Variants in TMPRSS13 observed in about 807,000 individuals in gnomAD.
TMPRSS13 encodes the protein transmembrane serine protease 13.
TMPRSS13 carries 50 observed loss-of-function variants against 68.4 expected under a neutral mutation model. The observed-to-expected ratio is 0.73, with a 90% CI of 0.58 to 0.93. TMPRSS13 has a LOEUF of 0.93. Ranked by LOEUF, TMPRSS13 falls within the 40% of genes least tolerant of loss-of-function variation. The pLI is 0.00. For synonymous variants in TMPRSS13, 267 were observed against 285.8 expected (o/e 0.93, Z 0.66); for missense variants, 615 against 729.2 (o/e 0.84, Z 1.80).
In TMPRSS13 at chr11:117,909,987, C is replaced by G. The variant is rs181795757; in HGVS notation, c.947-19G>C. 1.6e-5 allele frequency: 25 copies of G among 1,609,100 alleles called. 1 individual carries two copies. Among genetic ancestry groups the G allele is most frequent in the Middle Eastern group, 3.3e-4 (2 of 6,064 alleles). ...CCGCAGTCTGGAGGGAAGGAGTAGA[C>G]GTACTGTGAACCCTGTTTCTCCCAG... On this transcript the variant is annotated intron_variant, in intron 7 of 12. Coordinates refer to ENST00000524993, the MANE Select transcript of TMPRSS13 (RefSeq NM_001077263.3).
chr11:117,929,030 G>A (rs976524886), intron 1 of TMPRSS13, among the ~76,000 whole-genome samples: 11 of 152,170 alleles, frequency 7.2e-5, no homozygotes, highest in Admixed American at 6.5e-5. Flanking sequence ...GGAAACCCAC[G>A]ACTCAGCCAC....
At chr11:117,919,581 T>C (rs1279310247) in intron 1 of TMPRSS13, among the ~76,000 whole-genome samples, 1 of 152,246 alleles carries the variant, frequency 6.6e-6, no homozygotes, top group Non-Finnish European at 1.5e-5. Flanking sequence ...TCCTCTTTTG[T>C]GCACACTCTA....
At chr11:117,912,282 A>C (rs577672854) in intron 5 of TMPRSS13, among the ~76,000 whole-genome samples, 1 of 152,230 alleles carries the variant, frequency 6.6e-6, no homozygotes, top group Admixed American at 6.5e-5. Flanking sequence ...TTTCTACCCA[A>C]ACTGTCATCT....
intron 1 of TMPRSS13, among the ~76,000 whole-genome samples, chr11:117,925,884 A>G (rs1014865943): frequency 2.0e-5 from 3 of 152,246 alleles, no homozygotes; most frequent in Admixed American, 2.0e-4. Flanking sequence ...TTACGCTCAC[A>G]TCTGCCAAGT....
chr11:117,927,240 T>C (rs75067886), intron 1 of TMPRSS13, among the ~76,000 whole-genome samples: 1 of 152,366 alleles, frequency 6.6e-6, no homozygotes, highest in East Asian at 1.9e-4. Context: ...TGTGGGAATC[T>C]CTCTGAATCT....
In TMPRSS13 at chr11:117,909,943, C is replaced by T. The variant is rs2057505016; in HGVS notation, c.972G>A (p.Gly324=). The T allele has an allele frequency of 1.2e-6, 2 of 1,614,202 alleles. No individual in the cohort carries two copies. The highest frequency in any genetic ancestry group is 1.3e-5 in the African/African-American group (1 of 75,070). The change falls in exon 8 of 13, where the codon GGG becomes GGA. Residue 324 remains glycine (G), a synonymous_variant. Transcript: ENST00000524993. ...AGGCCAGCGCCCCTCCCACGATCCG[C>T]CCGGTCATGGCCCTCAGTCCGCAGT... ...CSHCGLRAMT[G]RIVGGALASD... is the part of the protein sequence containing the mutation.
At position 117,914,723 on chromosome 11, in the gene TMPRSS13, C is replaced by A. The variant is rs1428884064; in HGVS notation, c.557-209G>T. 6.6e-6 allele frequency among the ~76,000 whole-genome samples: 1 copy of A among 152,096 alleles called. No individual in the cohort carries two copies. The highest frequency in any genetic ancestry group is 1.9e-4 in the East Asian group (1 of 5,184). On this transcript the variant is annotated intron_variant, in intron 3 of 12. Transcript: ENST00000524993. The surrounding 1 kb of genome is among the most constrained non-coding windows in gnomAD (Gnocchi z 4.2). ...CTCCTGCAAGCAGGGCAGCACCAGGCAGATTCAAGCAGCCAGCCACCCAGA... is the reference window on the plus strand; with the variant it reads ...CTCCTGCAAGCAGGGCAGCACCAGGAAGATTCAAGCAGCCAGCCACCCAGA...
chr11:117,915,882 C>T lies in TMPRSS13; in HGVS notation c.556+1288G>A, dbSNP rs2057572758. 6.6e-6 allele frequency among the ~76,000 whole-genome samples: 1 copy of T among 152,218 alleles called. No homozygotes were observed. Among genetic ancestry groups the T allele is most frequent in the South Asian group, 2.1e-4 (1 of 4,832 alleles). On this transcript the variant is annotated intron_variant, in intron 3 of 12. Transcript: ENST00000524993. The surrounding 1 kb of genome is among the most constrained non-coding windows in gnomAD (Gnocchi z 4.9). ...GGAGGGAGGGCAGGGCAGCAAGTCACAGCAGGCACCATGCCGAGGCCTTTA... is the reference window on the plus strand; with the variant it reads ...GGAGGGAGGGCAGGGCAGCAAGTCATAGCAGGCACCATGCCGAGGCCTTTA...
At position 117,902,091 on chromosome 11, in the gene TMPRSS13, C is replaced by T; in HGVS notation, c.*148G>A. The stretch of plus-strand genomic sequence containing the variant: ...ACATATGCACACACACACACACACA[C>T]ACACACACACACAGAGGCAGCAGAC... On this transcript the variant is annotated 3_prime_UTR_variant, in exon 13 of 13. Coordinates refer to ENST00000524993, the MANE Select transcript of TMPRSS13 (RefSeq NM_001077263.3). 2 of 835,190 alleles carry T rather than the reference C, an allele frequency of 2.4e-6. No homozygotes were observed. The highest frequency in any genetic ancestry group is 1.9e-6 in the Non-Finnish European group (1 of 513,180). The allele number at this position is 835,190 out of a possible 1,614,324, so 51.7% of individuals were successfully genotyped here.
intron 1 of TMPRSS13, among the ~76,000 whole-genome samples, chr11:117,925,276 A>G (rs2057694341): frequency 6.6e-6 from 1 of 152,204 alleles, no homozygotes; most frequent in Non-Finnish European, 1.5e-5. Context: ...ACGAACTTGA[A>G]AGGGACTGGC....
At chr11:117,927,736 T>C (rs1045276588) in intron 1 of TMPRSS13, among the ~76,000 whole-genome samples, 4 of 152,188 alleles carry the variant, frequency 2.6e-5, no homozygotes, top group African/African-American at 7.2e-5. Flanking sequence ...GCCCCAACTA[T>C]AGGCTCACTC....
rs1374602715 is a variant in TMPRSS13 at position 117,903,822 on chromosome 11, G to A, written c.1525-15C>T. The A allele has an allele frequency of 1.9e-6, 3 of 1,608,082 alleles. No individual in the cohort carries two copies. The highest frequency in any genetic ancestry group is 2.7e-5 in the African/African-American group (2 of 74,870). ...CCGCTGTCTCCCTGCAGGGGAGAGGGGGCACATTCGCAGGATGGGACAGGT... is the reference window on the plus strand; with the variant it reads ...CCGCTGTCTCCCTGCAGGGGAGAGGAGGCACATTCGCAGGATGGGACAGGT... On this transcript the variant is annotated splice_polypyrimidine_tract_variant and intron_variant, in intron 11 of 12. Transcript: ENST00000524993.
At chr11:117,912,015 A>G (rs191229294) in intron 5 of TMPRSS13, among the ~76,000 whole-genome samples, 155 bp from the exon 6 acceptor site, 5 of 152,186 alleles carry the variant, frequency 3.3e-5, no homozygotes, top group South Asian at 4.2e-4. Context: ...CTAAGCCCCA[A>G]TAAAGTGCAG....
At chr11:117,910,832 G>A in intron 6 of TMPRSS13, 82 bp from the exon 7 acceptor site, 3 of 1,284,318 alleles carry the variant, frequency 2.3e-6, no homozygotes, top group Non-Finnish European at 2.2e-6. Context: ...CTCCTGCTCA[G>A]TTCCTATCCT....
intron 6 of TMPRSS13, among the ~76,000 whole-genome samples, chr11:117,911,349 G>A (rs2057521446): frequency 6.6e-6 from 1 of 152,144 alleles, no homozygotes; most frequent in African/African-American, 2.4e-5. Flanking sequence ...AACTGCACTG[G>A]TGGAGAGAGC....
At chr11:117,924,325 C>A (rs978355444) in intron 1 of TMPRSS13, among the ~76,000 whole-genome samples, 1 of 152,136 alleles carries the variant, frequency 6.6e-6, no homozygotes, top group Non-Finnish European at 1.5e-5. Flanking sequence ...GATCTTCTGG[C>A]CCCCATCCTT....
At position 117,902,070 on chromosome 11, in the gene TMPRSS13, A is replaced by T. The variant is rs1331417467; in HGVS notation, c.*169T>A. On this transcript the variant is annotated 3_prime_UTR_variant, in exon 13 of 13. Transcript: ENST00000524993. Reference sequence around the variant, plus strand: ...CTTGGGAGAGTGGCAATGCACACATATGCACACACACACACACACACACAC... The same window carrying T: ...CTTGGGAGAGTGGCAATGCACACATTTGCACACACACACACACACACACAC... 2 of 708,792 alleles carry T rather than the reference A, an allele frequency of 2.8e-6. No homozygotes were observed. 43.9% of individuals were successfully genotyped at this position (708,792 alleles called of 1,614,324 possible). A position where few individuals can be genotyped will look rare whatever the true frequency, so the allele number is the denominator to read the frequency against.
chr11:117,910,608 T>G (rs1463931490), intron 7 of TMPRSS13, 99 bp downstream of exon 7: 20 of 1,248,574 alleles, frequency 1.6e-5, no homozygotes, highest in Non-Finnish European at 1.6e-5. Context: ...GTTCCTGACT[T>G]GAACCCCTGT....
At chr11:117,903,509 G>A in intron 12 of TMPRSS13, 146 bp downstream of exon 12, 1 of 1,548,124 alleles carries the variant, frequency 6.5e-7, no homozygotes. Context: ...TTGACCCCAG[G>A]CATCACATTT....
Sources: allele counts gnomAD v4.1 joint callset (sites outside exome capture counted in the v4.1 genomes callset), GRCh38; gene constraint gnomAD v4.1.1; non-coding constraint Gnocchi (gnomAD v3.1); transcripts MANE v1.5; gene names NCBI Gene and HGNC (gene_info 2026-07-23, HGNC 2026-07-21).